Variants in GJC3 observed in about 807,000 individuals in gnomAD.
The protein encoded by GJC3 is gap junction protein gamma 3.
GJC3 carries 17 observed loss-of-function variants against 19.8 expected under a neutral mutation model. The ratio of observed to expected loss-of-function variants is 0.86; its 90% CI spans 0.59 to 1.29. The LOEUF is 1.29. Ranked by LOEUF, GJC3 falls within the 50% of genes most tolerant of loss-of-function variation. GJC3 has a pLI of 0.00. For missense variants in GJC3, 317 were observed against 332.5 expected (o/e 0.95, Z 0.36); for synonymous variants, 140 against 136.5 (o/e 1.03, Z -0.18).
At chr7:99,926,359 A>C (rs935312439) in intron 1 of GJC3, among the ~76,000 whole-genome samples, 14 of 152,036 alleles carry the variant, frequency 9.2e-5, no homozygotes, top group African/African-American at 3.4e-4. Context: ...AGTGGTACAC[A>C]TATGTTCATA....
Position 99,929,396 on chromosome 7 carries a change from A to G in GJC3, c.225T>C (p.Arg75=). ...FDAFHPLSPL[R]FWVFQVILVA... is the part of the protein sequence containing the mutation. ...CCAAGATGACCTGGAAGACCCAGAA[A>G]CGCAGCGGGGAGAGGGGGTGGAAGG... Residue 75 remains arginine (R), a synonymous_variant, in exon 1 of 2, where the codon CGT becomes CGC. Transcript: ENST00000312891. 1 of 1,614,124 alleles carries G rather than the reference A, an allele frequency of 6.2e-7. No homozygotes were observed. The highest frequency in any genetic ancestry group is 8.5e-7 in the Non-Finnish European group (1 of 1,180,000).
chr7:99,924,399 C>A (rs1174285526), intron 1 of GJC3, among the ~76,000 whole-genome samples: 1 of 152,064 alleles, frequency 6.6e-6, no homozygotes, highest in African/African-American at 2.4e-5. Context: ...ACCAGCTTGG[C>A]CGACATGGTG....
In GJC3 at chr7:99,929,131, G is replaced by A. The variant is rs73405465; in HGVS notation, c.490C>T (p.Pro164Ser). 4,646 of 1,613,838 alleles carry A rather than the reference G, an allele frequency of 2.9e-3. 128 individuals carry two copies. In the African/African-American group the frequency reaches 0.056, roughly 19 times the overall value. Reference sequence around the variant, plus strand: ...TCTCGGCGACATGCAAAGGAGCTGGGCATCTGGAACCCATACAGGTGGTAC... The same window carrying A: ...TCTCGGCGACATGCAAAGGAGCTGGACATCTGGAACCCATACAGGTGGTAC... ...LQYHLYGFQM[P>S]SSFACRREPC... The change falls in exon 1 of 2, where the codon CCC becomes TCC. Residue 164 changes from proline (P) to serine (S), a missense_variant. Coordinates refer to ENST00000312891, the MANE Select transcript of GJC3 (RefSeq NM_181538.3).
At chr7:99,925,702 C>T (rs981194726) in intron 1 of GJC3, among the ~76,000 whole-genome samples, 3 of 152,122 alleles carry the variant, frequency 2.0e-5, no homozygotes, top group Non-Finnish European at 4.4e-5. Flanking sequence ...ACAAAAAACT[C>T]TATTTATAAA....
chr7:99,927,562 GA>G (rs143155780), intron 1 of GJC3, among the ~76,000 whole-genome samples: 2,402 of 145,070 alleles, frequency 0.017, 64 homozygotes, highest in African/African-American at 0.058. Context: ...TTCAGAAAGA[GA>G]AAAAAAAATA....
chr7:99,928,565 G>A (rs1356167716), intron 1 of GJC3, among the ~76,000 whole-genome samples: 1 of 152,226 alleles, frequency 6.6e-6, no homozygotes, highest in African/African-American at 2.4e-5. Context: ...AGACCTAAAT[G>A]GAAGTTCAGG....
At chr7:99,928,062 A>G (rs1343203737) in intron 1 of GJC3, among the ~76,000 whole-genome samples, 1 of 152,236 alleles carries the variant, frequency 6.6e-6, no homozygotes, top group Non-Finnish European at 1.5e-5. Flanking sequence ...CTTGAAGCCC[A>G]GAGTTTCTGG....
At chr7:99,928,767 T>C (rs1819846219) in intron 1 of GJC3, 73 bp downstream of exon 1, 7 of 1,433,820 alleles carry the variant, frequency 4.9e-6, no homozygotes, top group Non-Finnish European at 6.9e-6. Context: ...CCCAGAAAGG[T>C]GAGGGACCTG....
At chr7:99,929,663 T>C, upstream of GJC3, 1 of 1,555,180 alleles carries the variant, frequency 6.4e-7, no homozygotes, top group Non-Finnish European at 8.7e-7. Flanking sequence ...TTGTTCACTG[T>C]CCTTCAGAGG....
chr7:99,923,546 C>G lies in GJC3; in HGVS notation c.839G>C (p.Ter280SerextTer30), dbSNP rs771088202. Residue 280 changes from the stop codon to serine (S), a stop_lost, in exon 2 of 2, where the codon TGA (stop) becomes TCA (serine). Coordinates refer to ENST00000312891, the MANE Select transcript of GJC3 (RefSeq NM_181538.3). ...AGTTGGCCAAAGTTCATCTCCAACT[C>G]AGGCATCTCTGGGTCCAACTGGTCT... ...KQRPVGPRDA[*>S] 5 of 780,920 alleles carry G rather than the reference C, an allele frequency of 6.4e-6. No individual in the cohort carries two copies. In the South Asian group the frequency reaches 6.7e-5, roughly 10 times the overall value. 48.4% of individuals were successfully genotyped at this position (780,920 alleles called of 1,614,324 possible). A position where few individuals can be genotyped will look rare whatever the true frequency, so the allele number is the denominator to read the frequency against.
At chr7:99,928,062 A>C (rs1343203737) in intron 1 of GJC3, among the ~76,000 whole-genome samples, 3 of 152,236 alleles carry the variant, frequency 2.0e-5, no homozygotes, top group African/African-American at 7.2e-5. Flanking sequence ...CTTGAAGCCC[A>C]GAGTTTCTGG....
intron 1 of GJC3, among the ~76,000 whole-genome samples, chr7:99,927,678 T>A (rs1819831113): frequency 1.3e-5 from 2 of 151,510 alleles, no homozygotes; most frequent in Admixed American, 1.3e-4. Context: ...CCAACAGAAA[T>A]GACTAAGAGA....
chr7:99,923,826 T>G lies in GJC3; in HGVS notation c.782-223A>C, dbSNP rs569962655. Among the ~76,000 whole-genome samples, 456 of 152,284 alleles carry G rather than the reference T, an allele frequency of 3.0e-3. 3 individuals carry two copies. Among genetic ancestry groups the G allele is most frequent in the African/African-American group, 0.01 (425 of 41,540 alleles). On this transcript the variant is annotated intron_variant, in intron 1 of 1. Transcript: ENST00000312891. ...TTGAACCCAAATGGGTTAATTACCCTTTAAAACATAAATATCAACATCCTC... is the reference window on the plus strand; with the variant it reads ...TTGAACCCAAATGGGTTAATTACCCGTTAAAACATAAATATCAACATCCTC...
chr7:99,928,945 A>C lies in GJC3; in HGVS notation c.676T>G (p.Ser226Ala). ...GTTAGGAAGTATTTAGAAGAGGAAG[A>C]TTTGTGCTTCCAGGTCCTCCACCAT... Reference protein sequence around the residue: ...GRWWRTWKHKSSSSKYFLTSE... With the variant: ...GRWWRTWKHKASSSKYFLTSE... Residue 226 changes from serine to alanine, a missense_variant, in exon 1 of 2, where the codon TCT becomes GCT. Ser to Ala is a moderately conservative substitution (Grantham distance 99, BLOSUM62 1). Transcript: ENST00000312891. 6.2e-7 allele frequency: 1 copy of C among 1,614,140 alleles called. No individual in the cohort carries two copies.
In GJC3 at chr7:99,928,923, A is replaced by C; in HGVS notation, c.698T>G (p.Leu233Arg). The C allele has an allele frequency of 6.2e-7, 1 of 1,614,132 alleles. No individual in the cohort carries two copies. Among genetic ancestry groups the C allele is most frequent in the Non-Finnish European group, 8.5e-7 (1 of 1,180,006 alleles). Residue 233 changes from leucine (L) to arginine (R), a missense_variant, in exon 1 of 2, where the codon CTA becomes CGA. Coordinates refer to ENST00000312891, the MANE Select transcript of GJC3 (RefSeq NM_181538.3). ...KHKSSSSKYF[L>R]TSESTRRHKK... ...GTGTCTTCTGGTGCTCTCTGAAGTTAGGAAGTATTTAGAAGAGGAAGATTT... is the reference window on the plus strand; with the variant it reads ...GTGTCTTCTGGTGCTCTCTGAAGTTCGGAAGTATTTAGAAGAGGAAGATTT...
chr7:99,928,272 G>C (rs1819839327), intron 1 of GJC3, among the ~76,000 whole-genome samples: 1 of 152,186 alleles, frequency 6.6e-6, no homozygotes, highest in Non-Finnish European at 1.5e-5. Flanking sequence ...GTTTAGGGAG[G>C]CTTCTCCCGG....
intron 1 of GJC3, among the ~76,000 whole-genome samples, chr7:99,926,657 T>G (rs1343453226): frequency 6.6e-6 from 1 of 152,196 alleles, no homozygotes; most frequent in Non-Finnish European, 1.5e-5. Context: ...GATGGTTGCA[T>G]GTTTTGGGTG....
At position 99,923,518 on chromosome 7, in the gene GJC3, G is replaced by C. The variant is rs1819723048; in HGVS notation, c.*27C>G. 1 of 780,106 alleles carries C rather than the reference G, an allele frequency of 1.3e-6. No individual in the cohort carries two copies. 48.3% of individuals were successfully genotyped at this position (780,106 alleles called of 1,614,324 possible). ...ACAGGATTTTAAGTATGGTGATGAG[G>C]AAAGTTGGCCAAAGTTCATCTCCAA... is the stretch of plus-strand genomic sequence containing the variant. On this transcript the variant is annotated 3_prime_UTR_variant, in exon 2 of 2. Coordinates refer to ENST00000312891, the MANE Select transcript of GJC3 (RefSeq NM_181538.3).
intron 1 of GJC3, among the ~76,000 whole-genome samples, chr7:99,926,626 C>T (rs768219758): frequency 8.5e-5 from 13 of 152,094 alleles, no homozygotes; most frequent in Non-Finnish European, 1.6e-4. Flanking sequence ...AGTAGGAAAA[C>T]CAATAGAGAC....
Sources: gnomAD v4.1 joint callset for allele counts (sites outside exome capture counted in the v4.1 genomes callset) on GRCh38, gnomAD v4.1.1 for gene constraint, MANE v1.5 for transcripts, NCBI Gene and HGNC (gene_info 2026-07-23, HGNC 2026-07-21) for gene names.